PALM2AKAP2: variants seen among roughly 807,000 people sequenced by gnomAD.
PALM2AKAP2 encodes the protein PALM2 and AKAP2 fusion.
A neutral mutation model predicts 71.5 loss-of-function variants in PALM2AKAP2; 37 were observed. The ratio of observed to expected loss-of-function variants is 0.52; its 90% CI spans 0.40 to 0.68. PALM2AKAP2 has a LOEUF of 0.68. Ranked by LOEUF, PALM2AKAP2 falls within the 30% of genes least tolerant of loss-of-function variation. The pLI, the probability that PALM2AKAP2 is intolerant of heterozygous loss-of-function variation, is 0.00. For synonymous variants in PALM2AKAP2, 468 were observed against 478.8 expected, an observed-to-expected ratio of 0.98 and a Z score of 0.29; for missense variants, 1,224 against 1,191.8, an observed-to-expected ratio of 1.03 and a Z score of -0.40.
At chr9:110,162,065 C>T (rs1054448269) in intron 3 of PALM2AKAP2, 29 bp from the exon 10 acceptor site, 1 of 1,613,574 alleles carries the variant, frequency 6.2e-7, no homozygotes, top group African/African-American at 1.3e-5. Context: ...CTGCCATGTA[C>T]TAACCCTGGT....
chr9:109,894,315 G>C (rs1390428251), intron 3 of PALM2AKAP2, among the ~76,000 whole-genome samples: 1 of 152,156 alleles, frequency 6.6e-6, no homozygotes, highest in African/African-American at 2.4e-5. Flanking sequence ...CTCCAGCCTG[G>C]GCAACAGAGC....
intron 2 of PALM2AKAP2, among the ~76,000 whole-genome samples, chr9:109,874,151 C>T (rs1034937443): frequency 3.3e-5 from 5 of 152,250 alleles, no homozygotes; most frequent in Admixed American, 1.3e-4. Context: ...GAATTCCTCA[C>T]ATGTCAGCCT....
chr9:109,855,580 T>A (rs1305859076), intron 1 of PALM2AKAP2, among the ~76,000 whole-genome samples: 1 of 152,236 alleles, frequency 6.6e-6, no homozygotes, highest in Non-Finnish European at 1.5e-5. Flanking sequence ...CTATGCGTTA[T>A]GTTTTTAAAG....
At chr9:110,046,024 CT>C (rs1247649642), upstream of PALM2AKAP2, among the ~76,000 whole-genome samples, 1 of 152,206 alleles carries the variant, frequency 6.6e-6, no homozygotes, top group East Asian at 1.9e-4. Context: ...AGCAACCCCC[CT>C]AATCGTGACA....
rs558698477 is a variant in PALM2AKAP2 at position 110,030,896 on chromosome 9, C to T, written c.582+14857C>T. 2.6e-5 allele frequency among the ~76,000 whole-genome samples: 4 copies of T among 152,302 alleles called. No individual in the cohort carries two copies. The South Asian group carries it at 8.3e-4, about 32-fold the overall frequency. On this transcript the variant is annotated intron_variant, in intron 7 of 9. Coordinates refer to the PALM2AKAP2 transcript ENST00000302798. ...ACCACGAGCTGGTCTGTTTCGAGGT[C>T]ACTTATGCTTACTATCATTGCAACA...
chr9:109,972,854 C>T (rs934873741), intron 6 of PALM2AKAP2, among the ~76,000 whole-genome samples: 10 of 152,184 alleles, frequency 6.6e-5, no homozygotes, highest in Non-Finnish European at 1.2e-4. Context: ...ATATGTATAA[C>T]GGACTTAGCA....
At chr9:110,096,792 G>C (rs934685261) in intron 1 of PALM2AKAP2, among the ~76,000 whole-genome samples, 7 of 150,624 alleles carry the variant, frequency 4.6e-5, no homozygotes, top group East Asian at 3.9e-4. Flanking sequence ...TGGGGGGTTG[G>C]GGGGGGGTGA....
intron 6 of PALM2AKAP2, among the ~76,000 whole-genome samples, chr9:109,968,135 T>C (rs1311690932): frequency 1.3e-5 from 2 of 152,186 alleles, no homozygotes; most frequent in Non-Finnish European, 2.9e-5. Context: ...GAAGAAAGGA[T>C]ACTGGAATTC....
At chr9:109,827,376 G>A (rs1934193272) in intron 1 of PALM2AKAP2, among the ~76,000 whole-genome samples, 1 of 152,144 alleles carries the variant, frequency 6.6e-6, no homozygotes, top group Admixed American at 6.5e-5. Flanking sequence ...AGCACTTTGG[G>A]AGGCCAAGGC....
chr9:109,684,748 A>G (rs1827784509), intron 1 of PALM2AKAP2, among the ~76,000 whole-genome samples: 1 of 152,212 alleles, frequency 6.6e-6, no homozygotes, highest in African/African-American at 2.4e-5. Flanking sequence ...AAATTGCTGA[A>G]AAGAGGTTAA....
At chr9:109,932,905 A>G (rs1224376574) in intron 6 of PALM2AKAP2, among the ~76,000 whole-genome samples, 1 of 144,054 alleles carries the variant, frequency 6.9e-6, no homozygotes, top group Admixed American at 7.3e-5. Context: ...AAAGTAAAAC[A>G]ATCATGGATG....
At chr9:109,955,909 C>T (rs1831738148) in intron 6 of PALM2AKAP2, among the ~76,000 whole-genome samples, 1 of 151,360 alleles carries the variant, frequency 6.6e-6, no homozygotes, top group African/African-American at 2.4e-5. Flanking sequence ...TGCACTCCAA[C>T]TTGGCAACAC....
At chr9:110,113,340 G>C (rs1205709425) in intron 1 of PALM2AKAP2, among the ~76,000 whole-genome samples, 2 of 151,458 alleles carry the variant, frequency 1.3e-5, no homozygotes, top group Non-Finnish European at 2.9e-5. Context: ...CCAGGTTCAA[G>C]AGATTCTCCT....
intron 1 of PALM2AKAP2, among the ~76,000 whole-genome samples, chr9:109,745,670 A>G (rs1828789536): frequency 6.6e-6 from 1 of 152,208 alleles, no homozygotes; most frequent in Admixed American, 6.5e-5. Context: ...AATAGTAAAC[A>G]CATTTAGAAA....
exon 2 of PALM2AKAP2, chr9:110,136,685 C>T (rs1289772097): frequency 6.2e-7 from 1 of 1,614,172 alleles, no homozygotes; most frequent in Non-Finnish European, 8.5e-7. Flanking sequence ...CCTGCAGGTG[C>T]CTGTCAGCCC....
chr9:109,865,116 T>TTTTTTTTTTA (rs1829415950), intron 1 of PALM2AKAP2, among the ~76,000 whole-genome samples: 1 of 138,986 alleles, frequency 7.2e-6, no homozygotes, highest in African/African-American at 2.8e-5. Context: ...TTTTTTTTTT[T>TTTTTTTTTTA]GAGACAGAGT....
chr9:109,907,628 G>A (rs1209198530), intron 3 of PALM2AKAP2, among the ~76,000 whole-genome samples: 1 of 152,148 alleles, frequency 6.6e-6, no homozygotes, highest in African/African-American at 2.4e-5. Context: ...AGCCAAGCGG[G>A]AAACAATCAG....
intron 6 of PALM2AKAP2, among the ~76,000 whole-genome samples, chr9:109,975,063 C>A (rs1449078888): frequency 7.5e-6 from 1 of 134,082 alleles, no homozygotes; most frequent in African/African-American, 2.8e-5. Flanking sequence ...TGCACGTGCA[C>A]ACACACACAC....
chr9:109,664,958 C>G (rs1208765827), intron 1 of PALM2AKAP2, among the ~76,000 whole-genome samples: 1 of 152,144 alleles, frequency 6.6e-6, no homozygotes, highest in Non-Finnish European at 1.5e-5. Context: ...GATACCCTTT[C>G]TTCCACTTGA....
Sources: allele counts gnomAD v4.1 joint callset (sites outside exome capture counted in the v4.1 genomes callset), GRCh38; gene constraint gnomAD v4.1.1; transcripts MANE v1.5; gene names NCBI Gene and HGNC (gene_info 2026-07-23, HGNC 2026-07-21).